The following PKIB variants were observed in gnomAD, a reference collection of about 807,000 sequenced individuals.
The protein encoded by PKIB is cAMP-dependent protein kinase inhibitor beta.
A neutral mutation model predicts 4.5 loss-of-function variants in PKIB; 2 were observed. The observed-to-expected ratio is 0.44, with a 90% CI of 0.18 to 1.39. The LOEUF is 1.39. Among genes scored for constraint, PKIB ranks in the 40% most tolerant of loss-of-function variants. The pLI is 0.27. For missense variants in PKIB, 94 were observed against 92.6 expected (o/e 1.02, Z -0.06); for synonymous variants, 38 against 36.0 (o/e 1.06, Z -0.20).
At chr6:122,704,946 T>A (rs990011751) in intron 3 of PKIB, among the ~76,000 whole-genome samples, 1 of 152,142 alleles carries the variant, frequency 6.6e-6, no homozygotes, top group Admixed American at 6.6e-5. Flanking sequence ...TAGCTCTAAC[T>A]ATTCGGGAGG....
chr6:122,482,866 A>G (rs1272566531), intron 2 of PKIB: 1 of 152,100 alleles, frequency 6.6e-6, no homozygotes, highest in Non-Finnish European at 1.5e-5. Flanking sequence ...GTTGGATTTA[A>G]AGTCCAACTG....
intron 2 of PKIB, among the ~76,000 whole-genome samples, chr6:122,524,950 A>T (rs958202188): frequency 1.3e-5 from 2 of 149,488 alleles, no homozygotes; most frequent in African/African-American, 4.9e-5. Flanking sequence ...TTGTTTGCCT[A>T]TTCTTGCTTT....
At chr6:122,594,068 AATAC>A in intron 3 of PKIB, among the ~76,000 whole-genome samples, 1 of 152,334 alleles carries the variant, frequency 6.6e-6, no homozygotes, top group East Asian at 1.9e-4. Flanking sequence ...TGCCTAACAT[AATAC>A]AACTATCCTT....
chr6:122,552,548 T>C (rs1772708284), intron 2 of PKIB, among the ~76,000 whole-genome samples: 1 of 152,058 alleles, frequency 6.6e-6, no homozygotes, highest in Non-Finnish European at 1.5e-5. Context: ...AGCTACTTTT[T>C]TGTATTTTTA....
At chr6:122,512,355 C>G (rs535104421) in intron 2 of PKIB, among the ~76,000 whole-genome samples, 2 of 152,122 alleles carry the variant, frequency 1.3e-5, no homozygotes, top group Non-Finnish European at 2.9e-5. Flanking sequence ...TCTCTTTTCC[C>G]TCTTCTCATT....
intron 2 of PKIB, among the ~76,000 whole-genome samples, chr6:122,578,692 T>G (rs752054025): frequency 2.0e-5 from 3 of 152,194 alleles, no homozygotes; most frequent in Non-Finnish European, 4.4e-5. Context: ...AATGTTACTC[T>G]TGATAGCCAG....
At chr6:122,578,207 T>C (rs778287274) in intron 2 of PKIB, among the ~76,000 whole-genome samples, 1 of 152,080 alleles carries the variant, frequency 6.6e-6, no homozygotes, top group African/African-American at 2.4e-5. Flanking sequence ...GGCTAAAAAT[T>C]AAATCAGGGT....
chr6:122,626,758 A>G (rs1398291336), intron 1 of PKIB, among the ~76,000 whole-genome samples: 1 of 152,216 alleles, frequency 6.6e-6, no homozygotes, highest in Non-Finnish European at 1.5e-5. Flanking sequence ...TCTCATACAA[A>G]GGAAGCACTC....
chr6:122,530,187 A>C (rs1471166324), intron 2 of PKIB, among the ~76,000 whole-genome samples: 1 of 151,836 alleles, frequency 6.6e-6, no homozygotes, highest in East Asian at 1.9e-4. Context: ...TCATTATTTC[A>C]TCTTAGTGAT....
intron 2 of PKIB, among the ~76,000 whole-genome samples, chr6:122,524,425 T>G (rs1196217017): frequency 6.6e-6 from 1 of 152,090 alleles, no homozygotes; most frequent in African/African-American, 2.4e-5. Flanking sequence ...TGCTGCTTCT[T>G]CTTCATTGTC....
intron 2 of PKIB, among the ~76,000 whole-genome samples, chr6:122,651,977 G>A (rs1776572458): frequency 6.6e-6 from 1 of 152,066 alleles, no homozygotes. Context: ...TGATATTTGT[G>A]TTTCTCCATT....
At chr6:122,598,701 T>G (rs1484454536) in intron 3 of PKIB, among the ~76,000 whole-genome samples, 2 of 152,166 alleles carry the variant, frequency 1.3e-5, no homozygotes, top group African/African-American at 4.8e-5. Context: ...TTTCGATCCC[T>G]TCCTCTACAT....
At chr6:122,493,149 C>CTAT (rs1417839196) in intron 2 of PKIB, 2 of 152,184 alleles carry the variant, frequency 1.3e-5, no homozygotes, top group Non-Finnish European at 2.9e-5. Context: ...AAGCATGATG[C>CTAT]TATGGTCTGA....
At chr6:122,531,158 T>C (rs1777244270) in intron 2 of PKIB, 2 of 152,314 alleles carry the variant, frequency 1.3e-5, no homozygotes, top group Non-Finnish European at 2.9e-5. Flanking sequence ...AATTGAATTA[T>C]TGCCTCTTTA....
chr6:122,562,078 T>G (rs1773053241), intron 2 of PKIB, among the ~76,000 whole-genome samples: 1 of 149,812 alleles, frequency 6.7e-6, no homozygotes, highest in Non-Finnish European at 1.5e-5. Flanking sequence ...TTAAAGAGGT[T>G]CTGTTTTGAT....
intron 3 of PKIB, among the ~76,000 whole-genome samples, chr6:122,697,287 G>A (rs925956881): frequency 6.6e-6 from 1 of 152,096 alleles, no homozygotes; most frequent in Non-Finnish European, 1.5e-5. Context: ...TATGGGAGGA[G>A]AACTTGTAGT....
chr6:122,582,159 T>G (rs1013662088), intron 2 of PKIB, among the ~76,000 whole-genome samples: 1 of 151,990 alleles, frequency 6.6e-6, no homozygotes, highest in Non-Finnish European at 1.5e-5. Context: ...ATGGTAACAG[T>G]TATATCCTAA....
intron 3 of PKIB, among the ~76,000 whole-genome samples, chr6:122,602,026 A>G (rs1297307755): frequency 6.9e-6 from 1 of 144,226 alleles, no homozygotes; most frequent in African/African-American, 2.5e-5. Flanking sequence ...TTTTTTTTAT[A>G]AATACAAGGT....
intron 2 of PKIB, among the ~76,000 whole-genome samples, chr6:122,506,769 G>A (rs909920983): frequency 4.2e-5 from 6 of 142,930 alleles, no homozygotes; most frequent in South Asian, 2.2e-4. Context: ...GCGCAATCTC[G>A]GCTCACTGCA....
Sources: allele counts gnomAD v4.1 joint callset (sites outside exome capture counted in the v4.1 genomes callset), GRCh38; gene constraint gnomAD v4.1.1; transcripts MANE v1.5; gene names NCBI Gene and HGNC (gene_info 2026-07-23, HGNC 2026-07-21).